The following SESN1 variants were observed in gnomAD, a reference collection of about 807,000 sequenced individuals.
SESN1 encodes the protein sestrin 1.
Under a neutral mutation model 59.3 loss-of-function variants are expected in SESN1, and 30 were observed. The ratio of observed to expected loss-of-function variants is 0.51; its 90% CI spans 0.38 to 0.69. The LOEUF is 0.69. SESN1 is among the 30% of genes least tolerant of loss of function. The pLI is 0.00. For synonymous variants in SESN1, 197 were observed against 219.9 expected, an observed-to-expected ratio of 0.90 and a Z score of 0.92; for missense variants, 566 against 673.0, an observed-to-expected ratio of 0.84 and a Z score of 1.76.
At chr6:109,052,622 C>T (rs1371067930) in intron 1 of SESN1, among the ~76,000 whole-genome samples, 1 of 152,118 alleles carries the variant, frequency 6.6e-6, no homozygotes, top group African/African-American at 2.4e-5. Flanking sequence ...TATATTTAAA[C>T]ATTCCAAAAG....
In SESN1 at chr6:109,074,523, G is replaced by A. The variant is rs182656521; in HGVS notation, c.279+19272C>T. On this transcript the variant is annotated intron_variant, in intron 1 of 9. Transcript: ENST00000436639. ...TGCTATAAATTATGTAATCATTTGT[G>A]GGTAGCTCTACAATAGCCAAAATAC... is the stretch of plus-strand genomic sequence containing the variant. Among the ~76,000 whole-genome samples, 4 of 152,216 alleles carry A rather than the reference G, an allele frequency of 2.6e-5. No homozygotes were observed. The South Asian group carries it at 6.2e-4, about 24-fold the overall frequency.
At chr6:109,077,773 TA>T (rs1326788483) in intron 1 of SESN1, among the ~76,000 whole-genome samples, 1 of 152,206 alleles carries the variant, frequency 6.6e-6, no homozygotes, top group African/African-American at 2.4e-5. Context: ...GGTTCATGCA[TA>T]TTTGTGTACT....
chr6:109,000,275 A>G, intron 4 of SESN1: 1 of 377,810 alleles, frequency 2.6e-6, no homozygotes, highest in Non-Finnish European at 4.7e-6. Flanking sequence ...GCAAAGACTG[A>G]ACCCTAATGT....
At chr6:109,026,630 G>A (rs1184808807) in intron 1 of SESN1, among the ~76,000 whole-genome samples, 1 of 151,672 alleles carries the variant, frequency 6.6e-6, no homozygotes, top group African/African-American at 2.4e-5. Context: ...TCAGCCTCCC[G>A]AGTAGCTAGG....
Position 109,082,216 on chromosome 6 carries a change from A to T in SESN1, c.279+11579T>A, listed in dbSNP as rs77571193. On this transcript the variant is annotated intron_variant, in intron 1 of 9. Transcript: ENST00000436639. ...TTTCCCCTAGGACCAATGAACCTTT[A>T]AAGTAGCTTAAAACTTTCTCAGTTG... Among the ~76,000 whole-genome samples the T allele has an allele frequency of 7.8e-3, 1,184 of 152,302 alleles. 20 individuals are homozygous for T. The highest frequency in any genetic ancestry group is 0.027 in the African/African-American group (1,138 of 41,560).
At chr6:109,085,831 G>A (rs951490425) in intron 1 of SESN1, among the ~76,000 whole-genome samples, 3 of 152,150 alleles carry the variant, frequency 2.0e-5, no homozygotes, top group African/African-American at 7.2e-5. Flanking sequence ...TGGTGCTGAT[G>A]TACTTCCAGC....
chr6:109,080,434 G>C (rs1210195215), intron 1 of SESN1, among the ~76,000 whole-genome samples: 1 of 152,032 alleles, frequency 6.6e-6, no homozygotes, highest in African/African-American at 2.4e-5. Context: ...TCAGTCCATA[G>C]AATCCTTGCG....
At chr6:108,991,189 T>C (rs1446976395) in intron 7 of SESN1, among the ~76,000 whole-genome samples, 2 of 152,106 alleles carry the variant, frequency 1.3e-5, no homozygotes, top group African/African-American at 4.8e-5. Flanking sequence ...CCCTCTCCTT[T>C]TCCATTGCTG....
chr6:109,038,946 AAAG>A (rs759555492), intron 1 of SESN1, among the ~76,000 whole-genome samples: 1 of 151,568 alleles, frequency 6.6e-6, no homozygotes, highest in African/African-American at 2.4e-5. Context: ...GAGAAGAAGA[AAAG>A]AAGGGAGAAG....
At chr6:109,074,086 A>G (rs545413967) in intron 1 of SESN1, among the ~76,000 whole-genome samples, 2 of 152,328 alleles carry the variant, frequency 1.3e-5, no homozygotes, top group Admixed American at 1.3e-4. Flanking sequence ...TAACACAAAT[A>G]CCATTGTGTT....
At chr6:109,079,016 G>C (rs983213036) in intron 1 of SESN1, among the ~76,000 whole-genome samples, 2 of 151,760 alleles carry the variant, frequency 1.3e-5, no homozygotes, top group African/African-American at 4.8e-5. Flanking sequence ...TTCAAAGAGG[G>C]AGCCATCAAA....
intron 1 of SESN1, among the ~76,000 whole-genome samples, chr6:109,067,551 T>C (rs988879102): frequency 2.6e-5 from 4 of 152,210 alleles, no homozygotes; most frequent in Non-Finnish European, 5.9e-5. Context: ...CCTATGGCTA[T>C]AGCTTTGTGT....
At chr6:109,011,760 C>T (rs1465620771) in intron 1 of SESN1, among the ~76,000 whole-genome samples, 5 of 151,824 alleles carry the variant, frequency 3.3e-5, no homozygotes, top group African/African-American at 1.2e-4. Context: ...TCCTGAGTAG[C>T]TGGCACTACA....
At chr6:109,002,382 TAAACA>T (rs1372308518) in intron 1 of SESN1, 39 bp from the exon 2 acceptor site, 4 of 1,539,892 alleles carry the variant, frequency 2.6e-6, no homozygotes, top group Middle Eastern at 3.4e-4. Context: ...CCTTTGGCAG[TAAACA>T]AAATGAACTG....
intron 2 of SESN1, 69 bp from the exon 3 acceptor site, chr6:109,001,557 C>T (rs1341343738): frequency 3.1e-5 from 41 of 1,304,352 alleles, no homozygotes; most frequent in African/African-American, 8.8e-5. Flanking sequence ...AATATACATG[C>T]GCTACACTCT....
intron 1 of SESN1, among the ~76,000 whole-genome samples, chr6:109,035,213 C>T (rs1020460248): frequency 6.6e-6 from 1 of 152,088 alleles, no homozygotes; most frequent in Non-Finnish European, 1.5e-5. Context: ...CAAAAAAGAA[C>T]TGACCCCAAA....
At position 108,984,864 on chromosome 6, in the gene SESN1, C is replaced by A. The variant is rs1393423027; in HGVS notation, c.*2680G>T. ...AAACTTTCCTAGCCTTTTGGTGCGG[C>A]CTTTTCCTGGCTTTGCATTTGCCTA... On this transcript the variant is annotated 3_prime_UTR_variant, in exon 10 of 10. Transcript: ENST00000436639. 6.6e-6 allele frequency among the ~76,000 whole-genome samples: 1 copy of A among 152,100 alleles called. No homozygotes were observed. Among genetic ancestry groups the A allele is most frequent in the Non-Finnish European group, 1.5e-5 (1 of 68,008 alleles).
rs1779550439 is a variant in SESN1, at chr6:108,998,660, TG to T, written c.824del (p.Thr275AsnfsTer51). ...TTTCTGGACTGATTCCACAGCCGAA[TG>T]TGAATGAGGCAAGAGAATGATAGTG... ...LTHYHSLASF[T>X]FGCGISPEIH... is the part of the protein sequence containing the mutation. On this transcript the variant is annotated frameshift_variant, in exon 5 of 10. Transcript: ENST00000436639. LOFTEE classifies it high-confidence loss of function. 2 of 1,613,788 alleles carry T rather than the reference TG, an allele frequency of 1.2e-6. No homozygotes were observed. Among genetic ancestry groups the T allele is most frequent in the Non-Finnish European group, 1.7e-6 (2 of 1,179,858 alleles).
chr6:109,007,678 A>C (rs548807029), intron 1 of SESN1, among the ~76,000 whole-genome samples: 1 of 152,208 alleles, frequency 6.6e-6, no homozygotes, highest in South Asian at 2.1e-4. Context: ...AAATGGAGAG[A>C]TCTAGAAGTG....
Sources: gnomAD v4.1 joint callset for allele counts (sites outside exome capture counted in the v4.1 genomes callset) on GRCh38, gnomAD v4.1.1 for gene constraint, MANE v1.5 for transcripts, NCBI Gene and HGNC (gene_info 2026-07-23, HGNC 2026-07-21) for gene names.